Variants in RBFOX1 observed in about 807,000 individuals in gnomAD.
The protein encoded by RBFOX1 is RNA binding protein fox-1 homolog 1.
RBFOX1 carries 8 observed loss-of-function variants against 57.7 expected under a neutral mutation model. That is an observed-to-expected ratio of 0.14 (90% CI 0.08 to 0.25). The LOEUF is 0.25. Among genes scored for constraint, RBFOX1 ranks in the 10% least tolerant of loss-of-function variants. The pLI is 1.00. For synonymous variants in RBFOX1, 326 were observed against 222.4 expected, an observed-to-expected ratio of 1.47 and a Z score of -4.15; for missense variants, 611 against 548.5, an observed-to-expected ratio of 1.11 and a Z score of -1.14.
intron 4 of RBFOX1, among the ~76,000 whole-genome samples, chr16:5,911,771 A>G (rs1233822357): frequency 1.3e-5 from 2 of 152,146 alleles, no homozygotes; most frequent in Non-Finnish European, 2.9e-5. Context: ...CCTTTGCACC[A>G]TGTCTGCATA....
chr16:6,012,683 G>C (rs781260312), intron 4 of RBFOX1, among the ~76,000 whole-genome samples: 5 of 152,180 alleles, frequency 3.3e-5, no homozygotes, highest in Non-Finnish European at 7.3e-5. Flanking sequence ...GGTAGTTTTG[G>C]AAGCCCGTTG....
chr16:5,973,704 G>T (rs2060007910), intron 4 of RBFOX1, among the ~76,000 whole-genome samples: 1 of 152,136 alleles, frequency 6.6e-6, no homozygotes, highest in African/African-American at 2.4e-5. Context: ...GAGTTTCTTT[G>T]TTCTAAACAA....
intron 3 of RBFOX1, among the ~76,000 whole-genome samples, chr16:7,019,968 T>A (rs909769248): frequency 3.3e-5 from 5 of 151,172 alleles, no homozygotes; most frequent in Admixed American, 1.3e-4. Context: ...TTCCCTTTCT[T>A]CTGGCTCTCT....
intron 9 of RBFOX1, among the ~76,000 whole-genome samples, chr16:7,603,380 G>A (rs998147377): frequency 6.6e-6 from 1 of 152,136 alleles, no homozygotes; most frequent in Non-Finnish European, 1.5e-5. Flanking sequence ...AGTCTTGCCT[G>A]CTTGACTGTT....
At chr16:7,204,981 G>A (rs113919375) in intron 4 of RBFOX1, among the ~76,000 whole-genome samples, 26 of 152,246 alleles carry the variant, frequency 1.7e-4, no homozygotes, top group African/African-American at 6.3e-4. Context: ...AGAATATTGT[G>A]ACTTTCTCTT....
At chr16:5,901,772 C>G (rs1253877655) in intron 4 of RBFOX1, among the ~76,000 whole-genome samples, 2 of 152,166 alleles carry the variant, frequency 1.3e-5, no homozygotes, top group East Asian at 3.8e-4. Flanking sequence ...ACACATTACC[C>G]AAATTGAGCT....
At chr16:6,794,780 T>C (rs1289096577) in intron 3 of RBFOX1, among the ~76,000 whole-genome samples, 1 of 152,164 alleles carries the variant, frequency 6.6e-6, no homozygotes, top group Non-Finnish European at 1.5e-5. Flanking sequence ...ACATGTTTAA[T>C]GTTTTCTTTC....
intron 14 of RBFOX1, among the ~76,000 whole-genome samples, chr16:7,692,260 T>C (rs1001286652): frequency 2.0e-5 from 3 of 152,178 alleles, no homozygotes; most frequent in African/African-American, 4.8e-5. Flanking sequence ...TTATATTTTA[T>C]TGGTGTAGAA....
At chr16:6,098,664 A>G (rs1311467210) in intron 1 of RBFOX1, among the ~76,000 whole-genome samples, 1 of 152,222 alleles carries the variant, frequency 6.6e-6, no homozygotes, top group Admixed American at 6.5e-5. Context: ...GAGTTTATAC[A>G]TTCATTTCCA....
intron 3 of RBFOX1, among the ~76,000 whole-genome samples, chr16:6,936,166 C>T (rs1183848913): frequency 6.6e-6 from 1 of 152,108 alleles, no homozygotes; most frequent in African/African-American, 2.4e-5. Context: ...TGGTGTGTTG[C>T]AGTCATTGCG....
At chr16:7,160,761 T>G (rs776509188) in intron 4 of RBFOX1, among the ~76,000 whole-genome samples, 1 of 151,642 alleles carries the variant, frequency 6.6e-6, no homozygotes, top group African/African-American at 2.4e-5. Flanking sequence ...CTATTCCTCC[T>G]CCTCCTCCGC....
chr16:5,647,408 A>G (rs919957505), intron 3 of RBFOX1, among the ~76,000 whole-genome samples: 19 of 152,190 alleles, frequency 1.2e-4, no homozygotes, highest in Non-Finnish European at 1.3e-4. Context: ...GCCACTGTGA[A>G]ATAGGATCCT....
chr16:6,991,005 C>A (rs545120666), intron 3 of RBFOX1, among the ~76,000 whole-genome samples: 3 of 151,988 alleles, frequency 2.0e-5, no homozygotes, highest in Admixed American at 6.6e-5. Flanking sequence ...TACTACATCA[C>A]AGTTGGCTAT....
intron 4 of RBFOX1, among the ~76,000 whole-genome samples, chr16:7,501,528 G>A (rs922376586): frequency 6.6e-6 from 1 of 152,176 alleles, no homozygotes; most frequent in African/African-American, 2.4e-5. Flanking sequence ...TTACAATCCA[G>A]TAGCCTCCAG....
intron 1 of RBFOX1, among the ~76,000 whole-genome samples, chr16:6,215,975 T>C (rs773183748): frequency 6.6e-6 from 1 of 152,296 alleles, no homozygotes; most frequent in African/African-American, 2.4e-5. Flanking sequence ...TCATGTCCTT[T>C]GCAGGGACAT....
intron 3 of RBFOX1, among the ~76,000 whole-genome samples, chr16:6,919,950 C>G (rs576546611): frequency 1.3e-5 from 2 of 152,170 alleles, no homozygotes; most frequent in East Asian, 1.9e-4. Context: ...CTTTTCCCCT[C>G]TGAGTCCCCA....
Position 5,621,696 on chromosome 16 carries a change from G to C in RBFOX1, c.318+22735G>C, listed in dbSNP as rs574552753. Among the ~76,000 whole-genome samples, 4 of 152,272 alleles carry C rather than the reference G, an allele frequency of 2.6e-5. No individual in the cohort carries two copies. In the East Asian group the frequency reaches 7.7e-4, roughly 29 times the overall value. ...AAGACGAGGATATGGAAAATACCAG[G>C]ATGGTGAGGATTCTCTCCAGGCAAA... On this transcript the variant is annotated intron_variant, in intron 3 of 19. Coordinates refer to the RBFOX1 transcript ENST00000641259.
chr16:6,965,456 C>G lies in RBFOX1; in HGVS notation c.-15-86601C>G, dbSNP rs138079293. Among the ~76,000 whole-genome samples the G allele has an allele frequency of 1.1e-3, 169 of 152,164 alleles. 1 individual carries two copies. Among genetic ancestry groups the G allele is most frequent in the East Asian group, 4.3e-3 (22 of 5,150 alleles). ...GGTTCAATTGATTCTTCTGCCTAAA[C>G]CTCCCCAGTAGCTGGGATTACAGGC... On this transcript the variant is annotated intron_variant, in intron 3 of 15. Coordinates refer to ENST00000550418, the MANE Select transcript of RBFOX1 (RefSeq NM_018723.4).
intron 2 of RBFOX1, among the ~76,000 whole-genome samples, chr16:6,470,112 A>G (rs754755260): frequency 4.6e-5 from 7 of 152,200 alleles, no homozygotes; most frequent in Admixed American, 2.0e-4. Flanking sequence ...ATCCTCATTC[A>G]TTTAAAATAG....
Sources: gnomAD v4.1 joint callset for allele counts (sites outside exome capture counted in the v4.1 genomes callset) on GRCh38, gnomAD v4.1.1 for gene constraint, MANE v1.5 for transcripts, NCBI Gene and HGNC (gene_info 2026-07-23, HGNC 2026-07-21) for gene names.